The following MNAT1 variants were observed in gnomAD, a reference collection of about 807,000 sequenced individuals.
MNAT1 encodes the protein MNAT1 component of CDK activating kinase.
MNAT1 carries 43 observed loss-of-function variants against 42.0 expected under a neutral mutation model. That is an observed-to-expected ratio of 1.02 (90% CI 0.80 to 1.32). The LOEUF is 1.32. Ranked by LOEUF, MNAT1 falls within the 40% of genes most tolerant of loss-of-function variation. MNAT1 has a pLI of 0.00. For missense variants in MNAT1, 306 were observed against 350.4 expected, an observed-to-expected ratio of 0.87 and a Z score of 1.01; for synonymous variants, 118 against 120.0, an observed-to-expected ratio of 0.98 and a Z score of 0.11.
intron 7 of MNAT1, among the ~76,000 whole-genome samples, chr14:60,943,170 A>G (rs143270643): frequency 1.8e-3 from 275 of 149,766 alleles, no homozygotes; most frequent in African/African-American, 6.6e-3. Context: ...GTATTTGTAA[A>G]TCAACAATTG....
chr14:60,903,886 T>TC (rs2035132414), intron 7 of MNAT1, among the ~76,000 whole-genome samples: 1 of 149,746 alleles, frequency 6.7e-6, no homozygotes, highest in Non-Finnish European at 1.5e-5. Flanking sequence ...TTTTTTTTTT[T>TC]CTTTTTGATG....
intron 7 of MNAT1, among the ~76,000 whole-genome samples, chr14:60,882,565 A>T (rs2034575779): frequency 1.3e-5 from 2 of 152,156 alleles, no homozygotes; most frequent in South Asian, 4.1e-4. Flanking sequence ...TGTCATTTTG[A>T]AATACTAATT....
intron 7 of MNAT1, among the ~76,000 whole-genome samples, chr14:60,899,219 G>A (rs1455118975): frequency 6.6e-6 from 1 of 152,060 alleles, no homozygotes; most frequent in Non-Finnish European, 1.5e-5. Context: ...ATAGATGCAC[G>A]TACTTATTTC....
intron 1 of MNAT1, among the ~76,000 whole-genome samples, chr14:60,782,355 T>G (rs960046815): frequency 1.1e-4 from 16 of 152,166 alleles, no homozygotes. Flanking sequence ...TGTTTTTATT[T>G]TTTGTCAAAA....
rs1452979754 is a variant in MNAT1, at chr14:60,879,652, TAA to T, written c.688-60_688-59del. The T allele has an allele frequency of 4.8e-6, 7 of 1,468,310 alleles. No homozygotes were observed. In the East Asian group the frequency reaches 1.6e-4, roughly 35 times the overall value. 91.0% of individuals were successfully genotyped at this position (1,468,310 alleles called of 1,614,324 possible). On this transcript the variant is annotated intron_variant, in intron 6 of 7. Transcript: ENST00000261245. ...ATTTAATTCATCTTTAAAATGATTA[TAA>T]ATAAGTAGCAATATGAAAATAATAA...
intron 6 of MNAT1, among the ~76,000 whole-genome samples, chr14:60,865,636 T>C (rs1439783298): frequency 4.6e-5 from 7 of 152,044 alleles, no homozygotes. Context: ...ATCAGAGAAA[T>C]AATGTAAAAA....
intron 7 of MNAT1, among the ~76,000 whole-genome samples, chr14:60,890,295 A>G (rs932166560): frequency 7.9e-5 from 12 of 152,152 alleles, no homozygotes; most frequent in Admixed American, 7.2e-4. Flanking sequence ...CCAGGCATAA[A>G]TTTACGTACT....
chr14:60,773,179 T>C (rs1410029337), intron 1 of MNAT1, among the ~76,000 whole-genome samples: 1 of 152,116 alleles, frequency 6.6e-6, no homozygotes, highest in African/African-American at 2.4e-5. Context: ...CCTCGTGACC[T>C]GCCCGCCTTT....
chr14:60,946,170 A>G (rs4151385), intron 7 of MNAT1, among the ~76,000 whole-genome samples: 140,043 of 152,218 alleles, frequency 0.92, 64,911 homozygotes, highest in Non-Finnish European at 0.99. Flanking sequence ...GTGTTGAAAT[A>G]TTTCCTTTAC....
intron 1 of MNAT1, among the ~76,000 whole-genome samples, chr14:60,738,229 T>G (rs1385229349): frequency 6.6e-6 from 1 of 150,476 alleles, no homozygotes; most frequent in African/African-American, 2.4e-5. Context: ...ATCAGATGCT[T>G]TTCTGATAAG....
intron 7 of MNAT1, among the ~76,000 whole-genome samples, chr14:60,929,171 AT>A (rs1566563165): frequency 3.4e-4 from 29 of 85,680 alleles, no homozygotes; most frequent in African/African-American, 1.6e-3. Flanking sequence ...AAAAAAAAAA[AT>A]ATATATATAT....
chr14:60,889,238 G>A (rs1048350358), intron 7 of MNAT1, among the ~76,000 whole-genome samples: 1 of 152,154 alleles, frequency 6.6e-6, no homozygotes, highest in Non-Finnish European at 1.5e-5. Context: ...CATGGCACTG[G>A]TACCAAAACA....
chr14:60,792,555 A>G (rs2031862070), intron 1 of MNAT1, among the ~76,000 whole-genome samples: 1 of 152,200 alleles, frequency 6.6e-6, no homozygotes, highest in Non-Finnish European at 1.5e-5. Context: ...GAGCTAACGA[A>G]GAATGGAAAG....
intron 7 of MNAT1, among the ~76,000 whole-genome samples, chr14:60,953,216 A>G (rs1037178103): frequency 5.9e-5 from 9 of 152,184 alleles, no homozygotes; most frequent in African/African-American, 2.2e-4. Context: ...ATATGTTTGA[A>G]TCTATACAAA....
chr14:60,836,982 G>A (rs2139394109), intron 6 of MNAT1, among the ~76,000 whole-genome samples: 1 of 152,278 alleles, frequency 6.6e-6, no homozygotes, highest in Non-Finnish European at 1.5e-5. Context: ...CAGCAGCTTT[G>A]TGGCACTGCC....
chr14:60,742,649 C>T (rs777029740), intron 1 of MNAT1, among the ~76,000 whole-genome samples: 8 of 152,168 alleles, frequency 5.3e-5, no homozygotes, highest in Non-Finnish European at 8.8e-5. Context: ...CCGTCACACT[C>T]CTCAACTCCC....
chr14:60,873,974 A>G (rs186229865), intron 6 of MNAT1, among the ~76,000 whole-genome samples: 2 of 152,294 alleles, frequency 1.3e-5, no homozygotes, highest in East Asian at 1.9e-4. Flanking sequence ...ATGAACAGAC[A>G]TGAATAAGAA....
At chr14:60,883,846 T>C (rs1319949505) in intron 7 of MNAT1, among the ~76,000 whole-genome samples, 3 of 152,090 alleles carry the variant, frequency 2.0e-5, no homozygotes, top group Admixed American at 1.3e-4. Flanking sequence ...TGGGATTACT[T>C]TCTTGATTTC....
At chr14:60,938,357 G>A (rs1186005916) in intron 7 of MNAT1, among the ~76,000 whole-genome samples, 1 of 152,152 alleles carries the variant, frequency 6.6e-6, no homozygotes, top group Admixed American at 6.5e-5. Context: ...GATATTGGCT[G>A]TGGGTTTGTC....
Sources: gnomAD v4.1 joint callset for allele counts (sites outside exome capture counted in the v4.1 genomes callset) on GRCh38, gnomAD v4.1.1 for gene constraint, MANE v1.5 for transcripts, NCBI Gene and HGNC (gene_info 2026-07-23, HGNC 2026-07-21) for gene names.